SYT2: variants seen among roughly 807,000 people sequenced by gnomAD.
SYT2 encodes synaptotagmin-2.
A neutral mutation model predicts 39.9 loss-of-function variants in SYT2; 15 were observed. The observed-to-expected ratio is 0.38, with a 90% CI of 0.25 to 0.58. SYT2 has a LOEUF of 0.58. SYT2 is among the 20% of genes least tolerant of loss of function. The probability of loss-of-function intolerance (pLI) is 0.70; values close to 1 mark genes in which losing one functional copy is unlikely to be tolerated. For synonymous variants in SYT2, 181 were observed against 204.5 expected (o/e 0.89, Z 0.98); for missense variants, 389 against 530.3 (o/e 0.73, Z 2.62).
intron 1 of SYT2, chr1:202,636,325 G>A: frequency 1.0e-6 from 1 of 983,550 alleles, no homozygotes; most frequent in Non-Finnish European, 1.2e-6. Context: ...TGGTGCCCTT[G>A]GTAGAAAGCC....
chr1:202,691,843 AGGTTTCCTGGAGCCT>A (rs1653845643), intron 1 of SYT2, among the ~76,000 whole-genome samples: 1 of 150,382 alleles, frequency 6.6e-6, no homozygotes, highest in South Asian at 2.1e-4. Context: ...TCCTCCCTGC[AGGTTTCCTGGAGCCT>A]GGAAGCAGAG....
intron 1 of SYT2, among the ~76,000 whole-genome samples, chr1:202,644,259 A>AC (rs2149099201): frequency 6.6e-6 from 1 of 151,850 alleles, no homozygotes; most frequent in East Asian, 1.9e-4. Context: ...CTGGCACAGG[A>AC]CCCCTTGCCT....
rs769733229 is a variant in SYT2 at position 202,596,798 on chromosome 1, G to T, written c.1219C>A (p.Pro407Thr). 2 of 1,614,156 alleles carry T rather than the reference G, an allele frequency of 1.2e-6. No individual in the cohort carries two copies. The change falls in exon 9 of 9, where the codon CCT becomes ACT. Residue 407 changes from proline to threonine, a missense_variant. By Grantham distance (38) the Pro-to-Thr change is conservative. This residue lies in a region of SYT2 where 84 missense variants were observed against 123.1 expected (regional missense o/e 0.68). Coordinates refer to ENST00000367268, the MANE Select transcript of SYT2 (RefSeq NM_177402.5). The stretch of plus-strand genomic sequence containing the variant: ...AGGAGTGCATCCACCTCCTCCTCAG[G>T]CTTGAGCGAGTGCCACTGGGCGATG... ...RPIAQWHSLK[P>T]EEEVDALLGK...
At chr1:202,625,952 G>A (rs1691392385) in intron 1 of SYT2, among the ~76,000 whole-genome samples, 1 of 152,214 alleles carries the variant, frequency 6.6e-6, no homozygotes, top group Non-Finnish European at 1.5e-5. Flanking sequence ...GTGTATGTGT[G>A]TGCACGTGAA....
At chr1:202,609,869 C>G (rs1053104638) in intron 1 of SYT2, among the ~76,000 whole-genome samples, 9 of 152,272 alleles carry the variant, frequency 5.9e-5, no homozygotes, top group East Asian at 1.9e-4. Context: ...GTCTTTTGCT[C>G]TGCAGAAGCT....
chr1:202,655,356 A>G (rs886092984), intron 1 of SYT2, among the ~76,000 whole-genome samples: 15 of 152,086 alleles, frequency 9.9e-5, no homozygotes, highest in African/African-American at 2.9e-4. Context: ...CATTTTTACA[A>G]TGTCATTGTG....
intron 8 of SYT2, among the ~76,000 whole-genome samples, chr1:202,597,881 G>A (rs1690356040): frequency 6.6e-6 from 1 of 152,174 alleles, no homozygotes; most frequent in Non-Finnish European, 1.5e-5. Context: ...AAGAGGACTT[G>A]ATGATCAGCT....
At chr1:202,607,666 TCTTA>T (rs1355340526) in intron 1 of SYT2, among the ~76,000 whole-genome samples, 1 of 152,190 alleles carries the variant, frequency 6.6e-6, no homozygotes, top group African/African-American at 2.4e-5. Context: ...TTTATTTAAC[TCTTA>T]CTGTCTGCCA....
rs6427957 is a variant in SYT2, at chr1:202,593,299, G to A, written c.*3458C>T. On this transcript the variant is annotated 3_prime_UTR_variant, in exon 9 of 9. Coordinates refer to ENST00000367268, the MANE Select transcript of SYT2 (RefSeq NM_177402.5). ...TGGAAGCTCTCACTCCCCAAACCCA[G>A]GGAGGTTCCTCAACCTCTTTGCTGT... 74,885 of 151,886 alleles carry A rather than the reference G, an allele frequency of 0.49. 19,414 individuals carry two copies. The highest frequency in any genetic ancestry group is 0.66 in the East Asian group (3,383 of 5,140). 9.4% of individuals were successfully genotyped at this position (151,886 alleles called of 1,614,324 possible). A position where few individuals can be genotyped will look rare whatever the true frequency, so the allele number is the denominator to read the frequency against.
chr1:202,657,421 TG>T (rs1414482710), intron 1 of SYT2, among the ~76,000 whole-genome samples: 4 of 152,180 alleles, frequency 2.6e-5, no homozygotes, highest in African/African-American at 9.7e-5. Context: ...GTCAGGACCC[TG>T]GACAGAAGCT....
At chr1:202,649,960 C>T (rs954716473) in intron 1 of SYT2, among the ~76,000 whole-genome samples, 1 of 152,252 alleles carries the variant, frequency 6.6e-6, no homozygotes, top group South Asian at 2.1e-4. Context: ...AATCCAGCTC[C>T]AGTCTTCCCT....
intron 1 of SYT2, among the ~76,000 whole-genome samples, chr1:202,609,766 A>G (rs952456574): frequency 2.6e-5 from 4 of 151,972 alleles, no homozygotes; most frequent in African/African-American, 9.7e-5. Context: ...GTTTGAGTTC[A>G]TTGTAGATTC....
intron 1 of SYT2, among the ~76,000 whole-genome samples, chr1:202,695,166 C>T (rs1294818420): frequency 6.6e-6 from 1 of 152,162 alleles, no homozygotes; most frequent in Non-Finnish European, 1.5e-5. Context: ...AGCAAGTTGT[C>T]ATTGGACCTT....
chr1:202,593,776 A>G lies in SYT2; in HGVS notation c.*2981T>C, dbSNP rs1467862831. On this transcript the variant is annotated 3_prime_UTR_variant, in exon 9 of 9. Transcript: ENST00000367268. ...TTTACCCCAGTTTCTGGATGGGATT[A>G]GGCTTGTTTTCATGGTCTCAGCTTC... 6.6e-6 allele frequency: 1 copy of G among 152,154 alleles called. No individual in the cohort carries two copies. The highest frequency in any genetic ancestry group is 2.4e-5 in the African/African-American group (1 of 41,408). 9.4% of individuals were successfully genotyped at this position (152,154 alleles called of 1,614,324 possible). A position where few individuals can be genotyped will look rare whatever the true frequency, so the allele number is the denominator to read the frequency against.
intron 1 of SYT2, among the ~76,000 whole-genome samples, chr1:202,672,912 T>C (rs1237233875): frequency 1.3e-5 from 2 of 151,142 alleles, no homozygotes; most frequent in East Asian, 2.0e-4. Context: ...AAGAAAGTCA[T>C]GTCTAGACAT....
At chr1:202,639,416 G>A (rs1558443060) in intron 1 of SYT2, 3 of 798,240 alleles carry the variant, frequency 3.8e-6, no homozygotes, top group East Asian at 2.5e-4. Context: ...GGCAAGCTCC[G>A]TCGCTGGGCT....
intron 1 of SYT2, chr1:202,639,790 G>A (rs1337686657): frequency 1.0e-6 from 1 of 985,350 alleles, no homozygotes; most frequent in Non-Finnish European, 1.2e-6. Flanking sequence ...CCTGGAGCCT[G>A]AGGCCAGTGC....
chr1:202,686,026 G>A (rs140670738), intron 1 of SYT2, among the ~76,000 whole-genome samples: 181 of 152,250 alleles, frequency 1.2e-3, no homozygotes, highest in East Asian at 8.9e-3. Flanking sequence ...GGGTCCGCCC[G>A]GGAGGACATG....
At chr1:202,600,301 T>G in intron 7 of SYT2, 56 bp downstream of exon 7, 1 of 1,448,404 alleles carries the variant, frequency 6.9e-7, no homozygotes, top group African/African-American at 1.4e-5. Flanking sequence ...CTCTGGGACT[T>G]GGTGCTGACT....
Sources: gnomAD v4.1 joint callset for allele counts (sites outside exome capture counted in the v4.1 genomes callset) on GRCh38, gnomAD v4.1.1 for gene constraint, gnomAD v4.1.1 regional missense constraint, MANE v1.5 for transcripts, NCBI Gene and HGNC (gene_info 2026-07-23, HGNC 2026-07-21) for gene names.